Variants in ATP4A observed in about 807,000 individuals in gnomAD.
The protein encoded by ATP4A is potassium-transporting ATPase alpha chain 1.
Under a neutral mutation model 112.1 loss-of-function variants are expected in ATP4A, and 73 were observed. The observed-to-expected ratio is 0.65, with a 90% CI of 0.54 to 0.79. ATP4A has a LOEUF of 0.79. Among genes scored for constraint, ATP4A ranks in the 30% least tolerant of loss-of-function variants. ATP4A has a pLI of 0.00. For synonymous variants in ATP4A, 588 were observed against 588.9 expected, an observed-to-expected ratio of 1.00 and a Z score of 0.02; for missense variants, 1,081 against 1,425.9, an observed-to-expected ratio of 0.76 and a Z score of 3.90.
In ATP4A at chr19:35,551,209, G is replaced by T; in HGVS notation, c.2886-98C>A. Reference sequence around the variant, plus strand: ...AGTAGGTCAGATGTCAGCAGCAGCAGGGAGGTGTTCTACACACTGAACACT... The same window carrying T: ...AGTAGGTCAGATGTCAGCAGCAGCATGGAGGTGTTCTACACACTGAACACT... On this transcript the variant is annotated intron_variant, in intron 19 of 21. Coordinates refer to ENST00000262623, the MANE Select transcript of ATP4A (RefSeq NM_000704.3). This position sits in a 1 kb window ranked among gnomAD's most constrained non-coding sequence, Gnocchi z 5.2. The T allele has an allele frequency of 7.7e-7, 1 of 1,305,528 alleles. No homozygotes were observed. The highest frequency in any genetic ancestry group is 1.1e-6 in the Non-Finnish European group (1 of 930,800). The allele number at this position is 1,305,528 out of a possible 1,614,324, so 80.9% of individuals were successfully genotyped here. A position where few individuals can be genotyped will look rare whatever the true frequency, so the allele number is the denominator to read the frequency against.
rs148503854 is a variant in ATP4A at position 35,550,879 on chromosome 19, C to T, written c.3034G>A (p.Val1012Ile). ...CCAAGCTTCCGGATCTCATCATAGA[C>T]GAAGATGAGGATGCCGTAGGGCAGG... ...VPLPYGILIF[V>I]YDEIRKLGVR... is the part of the protein sequence containing the mutation. Residue 1012 changes from valine (V) to isoleucine (I), a missense_variant, in exon 21 of 22, where the codon GTC (valine) becomes ATC (isoleucine). This residue lies in a region of ATP4A where 219 missense variants were observed against 320.9 expected (regional missense o/e 0.68). Transcript: ENST00000262623. This position sits in a 1 kb window ranked among gnomAD's most constrained non-coding sequence, Gnocchi z 4.1. 5.0e-6 allele frequency: 8 copies of T among 1,614,220 alleles called. No homozygotes were observed. Among genetic ancestry groups the T allele is most frequent in the Admixed American group, 1.7e-5 (1 of 60,032 alleles).
chr19:35,556,063 G>A (rs1246670460), intron 12 of ATP4A, among the ~76,000 whole-genome samples: 1 of 152,178 alleles, frequency 6.6e-6, no homozygotes, highest in African/African-American at 2.4e-5. Flanking sequence ...ATTAAGCTTG[G>A]TGAAGGAAAC....
chr19:35,554,134 T>C (rs760508504), intron 16 of ATP4A, among the ~76,000 whole-genome samples: 1 of 152,212 alleles, frequency 6.6e-6, no homozygotes, highest in African/African-American at 2.4e-5. Context: ...TCTCTGTGAC[T>C]GTATCTGCTC....
At position 35,557,688 on chromosome 19, in the gene ATP4A, G is replaced by T; in HGVS notation, c.1660C>A (p.Leu554Ile). The change falls in exon 11 of 22, where the codon CTC becomes ATC. Residue 554 changes from leucine to isoleucine, a missense_variant. Transcript: ENST00000262623. This position sits in a 1 kb window ranked among gnomAD's most constrained non-coding sequence, Gnocchi z 4.4. The part of the protein sequence containing the change: ...QWREAFQTAY[L>I]SLGGLGERVL... ...CGTTCGCCCAGGCCTCCCAGGCTGA[G>T]GTAGGCGGTCTGGAAGGCCTCGCGC... is the stretch of plus-strand genomic sequence containing the variant. The T allele has an allele frequency of 6.2e-7, 1 of 1,609,700 alleles. No individual in the cohort carries two copies. Among genetic ancestry groups the T allele is most frequent in the Non-Finnish European group, 8.5e-7 (1 of 1,178,840 alleles).
Position 35,551,086 on chromosome 19 carries a change from C to T in ATP4A, c.2911G>A (p.Val971Met), listed in dbSNP as rs200663366. 6.9e-5 allele frequency: 112 copies of T among 1,611,842 alleles called. No individual in the cohort carries two copies. The highest frequency in any genetic ancestry group is 8.8e-5 in the Non-Finnish European group (104 of 1,179,014). The change falls in exon 20 of 22, where the codon GTG becomes ATG. Residue 971 changes from valine to methionine, a missense_variant. By Grantham distance (21) the Val-to-Met change is conservative. Coordinates refer to ENST00000262623, the MANE Select transcript of ATP4A (RefSeq NM_000704.3). This position sits in a 1 kb window ranked among gnomAD's most constrained non-coding sequence, Gnocchi z 5.2. ...FRNKILVIAI[V>M]FQVCIGCFLC... ...AAGCAGCCGATGCAGACCTGGAACA[C>T]GATGGCGATCACCAGGATCTTATTC...
Position 35,559,789 on chromosome 19 carries a change from G to A in ATP4A, c.1056+16C>T, listed in dbSNP as rs369127243. ...AGGCCCCTCAGCTCCCTGCATCCCC[G>A]CCTGCCCCCACTCACTGTGACAGTG... On this transcript the variant is annotated intron_variant, in intron 7 of 21. Transcript: ENST00000262623. This position sits in a 1 kb window ranked among gnomAD's most constrained non-coding sequence, Gnocchi z 4.1. 3.2e-5 allele frequency: 51 copies of A among 1,611,444 alleles called. No individual in the cohort carries two copies. Among genetic ancestry groups the A allele is most frequent in the African/African-American group, 6.7e-5 (5 of 74,952 alleles).
chr19:35,561,736 G>A (rs1268510785), intron 4 of ATP4A, among the ~76,000 whole-genome samples: 3 of 151,628 alleles, frequency 2.0e-5, no homozygotes, highest in Non-Finnish European at 2.9e-5. Context: ...GTGTCCTGAG[G>A]CTTGGGTCCC....
chr19:35,558,546 C>T lies in ATP4A; in HGVS notation c.1365+31G>A, dbSNP rs776727898. 6 of 1,591,020 alleles carry T rather than the reference C, an allele frequency of 3.8e-6. No individual in the cohort carries two copies. Among genetic ancestry groups the T allele is most frequent in the Admixed American group, 3.6e-5 (2 of 55,336 alleles). ...GGCGAAGCCGGCTACACCAGCCTCC[C>T]GGGATTCCCTGGAGGCCCCCTGGCT... On this transcript the variant is annotated intron_variant, in intron 9 of 21. Coordinates refer to ENST00000262623, the MANE Select transcript of ATP4A (RefSeq NM_000704.3). This position sits in a 1 kb window ranked among gnomAD's most constrained non-coding sequence, Gnocchi z 5.1.
In ATP4A at chr19:35,558,716, G is replaced by T. The variant is rs549733046; in HGVS notation, c.1256-30C>A. 8.2e-5 allele frequency: 127 copies of T among 1,552,498 alleles called. No homozygotes were observed. Among genetic ancestry groups the T allele is most frequent in the East Asian group, 1.4e-4 (6 of 43,006 alleles). ...AGACCAGGCGTCCAGGCTGGGTCCC[G>T]CACGGCGGCTCTCCCGGACCAGAAC... On this transcript the variant is annotated intron_variant, in intron 8 of 21. Transcript: ENST00000262623. The surrounding 1 kb of genome is among the most constrained non-coding windows in gnomAD (Gnocchi z 5.1).
Position 35,551,535 on chromosome 19 carries a change from A to C in ATP4A, c.2797T>G (p.Phe933Val). 6.2e-7 allele frequency: 1 copy of C among 1,613,992 alleles called. No individual in the cohort carries two copies. The highest frequency in any genetic ancestry group is 8.5e-7 in the Non-Finnish European group (1 of 1,179,948). Residue 933 changes from phenylalanine to valine, a missense_variant, in exon 19 of 22, where the codon TTC becomes GTC. This residue lies in a region of ATP4A where 219 missense variants were observed against 320.9 expected (regional missense o/e 0.68). Transcript: ENST00000262623. This position sits in a 1 kb window ranked among gnomAD's most constrained non-coding sequence, Gnocchi z 5.2. ...TGGCACACCTCAATGCTGATGAAGA[A>C]CACGGTGTAGCAGGTGTACTGCTGG... ...LYQQYTCYTVFFISIEVCQIA... is the reference protein window; with the variant it reads ...LYQQYTCYTVVFISIEVCQIA...
chr19:35,553,869 T>C, intron 16 of ATP4A, 40 bp from the exon 17 acceptor site: 1 of 1,543,888 alleles, frequency 6.5e-7, no homozygotes, highest in Non-Finnish European at 8.8e-7. Context: ...AGGGTTTGGC[T>C]GGGCCCTTGT....
In ATP4A at chr19:35,558,341, T is replaced by C; in HGVS notation, c.1500+21A>G. ...GCCCGAGGTGGGCGGGCCCAGGCCG[T>C]GGGCGGGGCCGGCTGCGCACCTGGA... On this transcript the variant is annotated intron_variant, in intron 10 of 21. Transcript: ENST00000262623. This position sits in a 1 kb window ranked among gnomAD's most constrained non-coding sequence, Gnocchi z 5.1. 6.2e-7 allele frequency: 1 copy of C among 1,600,792 alleles called. No homozygotes were observed. Among genetic ancestry groups the C allele is most frequent in the Admixed American group, 1.7e-5 (1 of 57,608 alleles).
At position 35,551,503 on chromosome 19, in the gene ATP4A, G is replaced by C. The variant is rs1278803348; in HGVS notation, c.2829C>G (p.Ala943=). Reference sequence around the variant, plus strand: ...GGCGCGTCTTGCGGATGAGGACATCGGCGATCTGGCACACCTCAATGCTGA... The same window carrying C: ...GGCGCGTCTTGCGGATGAGGACATCCGCGATCTGGCACACCTCAATGCTGA... ...FFISIEVCQI[A]DVLIRKTRRL... Residue 943 remains alanine, a synonymous_variant, in exon 19 of 22, where the codon GCC becomes GCG. Transcript: ENST00000262623. The surrounding 1 kb of genome is among the most constrained non-coding windows in gnomAD (Gnocchi z 5.2). 6.2e-7 allele frequency: 1 copy of C among 1,614,108 alleles called. No individual in the cohort carries two copies. Among genetic ancestry groups the C allele is most frequent in the Non-Finnish European group, 8.5e-7 (1 of 1,179,994 alleles).
At position 35,556,898 on chromosome 19, in the gene ATP4A, C is replaced by T. The variant is rs1222189712; in HGVS notation, c.1869+15G>A. On this transcript the variant is annotated intron_variant, in intron 12 of 21. Coordinates refer to ENST00000262623, the MANE Select transcript of ATP4A (RefSeq NM_000704.3). ...TCTGTCCTCACTCCACTTGTTCCTC[C>T]CCACAGTGGCATACCCGGATGCCTG... 1 of 1,608,886 alleles carries T rather than the reference C, an allele frequency of 6.2e-7. No homozygotes were observed. Among genetic ancestry groups the T allele is most frequent in the South Asian group, 1.1e-5 (1 of 90,926 alleles).
chr19:35,556,401 C>T (rs1207885709), intron 12 of ATP4A, among the ~76,000 whole-genome samples: 1 of 152,194 alleles, frequency 6.6e-6, no homozygotes, highest in Non-Finnish European at 1.5e-5. Flanking sequence ...GCTTTCCCAC[C>T]CTTGTTTTGT....
rs1331751881 is a variant in ATP4A, at chr19:35,551,072, G to A, written c.2925C>T (p.Cys975=). ...GGCAGTAGCACAGGAAGCAGCCGAT[G>A]CAGACCTGGAACACGATGGCGATCA... is the stretch of plus-strand genomic sequence containing the variant. The part of the protein sequence containing the change: ...ILVIAIVFQV[C]IGCFLCYCPG... Residue 975 remains cysteine (C), a synonymous_variant, in exon 20 of 22, where the codon TGC becomes TGT. Transcript: ENST00000262623. This position sits in a 1 kb window ranked among gnomAD's most constrained non-coding sequence, Gnocchi z 5.2. The A allele has an allele frequency of 6.2e-7, 1 of 1,613,570 alleles. No individual in the cohort carries two copies. The highest frequency in any genetic ancestry group is 8.5e-7 in the Non-Finnish European group (1 of 1,179,738).
chr19:35,550,842 C>A lies in ATP4A; in HGVS notation c.3071G>T (p.Cys1024Phe). The A allele has an allele frequency of 6.2e-7, 1 of 1,614,072 alleles. No individual in the cohort carries two copies. The highest frequency in any genetic ancestry group is 8.5e-7 in the Non-Finnish European group (1 of 1,179,934). Residue 1024 changes from cysteine to phenylalanine, a missense_variant, in exon 21 of 22, where the codon TGC becomes TTC. Physicochemically the swap from Cys to Phe is radical, Grantham distance 205. This residue lies in a region of ATP4A where 219 missense variants were observed against 320.9 expected (regional missense o/e 0.68). Transcript: ENST00000262623. This position sits in a 1 kb window ranked among gnomAD's most constrained non-coding sequence, Gnocchi z 4.1. Reference protein sequence around the residue: ...DEIRKLGVRCCPGSWWDQELY... With the variant: ...DEIRKLGVRCFPGSWWDQELY... ...CCAGTCTCCACACTCACTCCCTGGGCAACAGCGAACTCCAAGCTTCCGGAT... is the reference window on the plus strand; with the variant it reads ...CCAGTCTCCACACTCACTCCCTGGGAAACAGCGAACTCCAAGCTTCCGGAT...
rs1439038938 is a variant in ATP4A at position 35,550,497 on chromosome 19, A to G, written c.*118T>C. 3.7e-6 allele frequency: 5 copies of G among 1,363,962 alleles called. No homozygotes were observed. The African/African-American group carries it at 7.2e-5, about 20-fold the overall frequency. The allele number at this position is 1,363,962 out of a possible 1,614,324, so 84.5% of individuals were successfully genotyped here. On this transcript the variant is annotated 3_prime_UTR_variant, in exon 22 of 22. Coordinates refer to ENST00000262623, the MANE Select transcript of ATP4A (RefSeq NM_000704.3). The surrounding 1 kb of genome is among the most constrained non-coding windows in gnomAD (Gnocchi z 4.1). The stretch of plus-strand genomic sequence containing the variant: ...GGTGCCGTGGGCTACAGAAGCAGAT[A>G]CTGGTGGGGCTGGGACTCTTGGTTG...
intron 4 of ATP4A, 84 bp from the exon 5 acceptor site, chr19:35,561,016 G>C (rs1359492190): frequency 6.2e-6 from 7 of 1,127,446 alleles, no homozygotes; most frequent in Non-Finnish European, 8.0e-6. Context: ...TGGTGCCCTG[G>C]TTTTCTTGGT....
Sources: allele counts gnomAD v4.1 joint callset (sites outside exome capture counted in the v4.1 genomes callset), GRCh38; gene constraint gnomAD v4.1.1; regional missense constraint gnomAD v4.1.1; non-coding constraint Gnocchi (gnomAD v3.1); transcripts MANE v1.5; gene names NCBI Gene and HGNC (gene_info 2026-07-23, HGNC 2026-07-21).